Variants in PCNX2 observed in about 807,000 individuals in gnomAD.
PCNX2 encodes the protein pecanex-like protein 2.
PCNX2 carries 168 observed loss-of-function variants against 223.8 expected under a neutral mutation model. That is an observed-to-expected ratio of 0.75 (90% CI 0.66 to 0.85). The LOEUF is 0.85. PCNX2 is among the 40% of genes least tolerant of loss of function. The probability of loss-of-function intolerance (pLI) is 0.00; values close to 1 mark genes in which losing one functional copy is unlikely to be tolerated. For synonymous variants in PCNX2, 1,006 were observed against 1,052.6 expected, an observed-to-expected ratio of 0.96 and a Z score of 0.86; for missense variants, 2,507 against 2,675.5, an observed-to-expected ratio of 0.94 and a Z score of 1.39.
At chr1:233,217,864 C>G in intron 12 of PCNX2, 35 bp downstream of exon 12, 2 of 1,613,202 alleles carry the variant, frequency 1.2e-6, no homozygotes, top group Admixed American at 3.3e-5. Context: ...CACAGACAGA[C>G]AAGAAAAGCT....
At chr1:233,091,987 A>G (rs957598807) in intron 22 of PCNX2, among the ~76,000 whole-genome samples, 13 of 152,198 alleles carry the variant, frequency 8.5e-5, no homozygotes, top group African/African-American at 3.1e-4. Flanking sequence ...ATTATCACCC[A>G]TCAGTTTCCT....
rs1414579988 is a variant in PCNX2 at position 233,253,940 on chromosome 1, T to TA, written c.1835-1153dup. Among the ~76,000 whole-genome samples the TA allele has an allele frequency of 6.6e-6, 1 of 152,164 alleles. No individual in the cohort carries two copies. The highest frequency in any genetic ancestry group is 2.4e-5 in the African/African-American group (1 of 41,436). On this transcript the variant is annotated intron_variant, in intron 5 of 33. Transcript: ENST00000258229. The surrounding 1 kb of genome is among the most constrained non-coding windows in gnomAD (Gnocchi z 4.2). ...AAAGGACCATTGTACTCCCATGACT[T>TA]ACTCTGAGTAAATGATTGGCTCTTA... is the stretch of plus-strand genomic sequence containing the variant.
At chr1:233,263,819 A>G (rs776436003) in intron 1 of PCNX2, among the ~76,000 whole-genome samples, 4 of 152,154 alleles carry the variant, frequency 2.6e-5, no homozygotes, top group Admixed American at 6.5e-5. Flanking sequence ...AGCTCATCTT[A>G]AAGGCCAGAG....
the PCNX2 span, among the ~76,000 whole-genome samples, chr1:233,306,198 A>T: frequency 6.6e-6 from 1 of 152,244 alleles, no homozygotes; most frequent in Non-Finnish European, 1.5e-5. Context: ...GGGTCAGTTC[A>T]TTAAGAAGAT....
In PCNX2 at chr1:233,258,226, C is replaced by T; in HGVS notation, c.1636G>A (p.Ala546Thr). ...TTCTCTGTATCGTTAACAATTTCTG[C>T]AGAACTTTTACTCAAGAAGACATCT... ...GTDVFLSKSS[A>T]EIVNDTEKTM... Residue 546 changes from alanine (A) to threonine (T), a missense_variant, in exon 5 of 34, where the codon GCA becomes ACA. Around this residue, in one of 3 missense-constraint regions of PCNX2, gnomAD observed 1,031 missense variants for 1,021.7 expected, o/e 1.01. Coordinates refer to ENST00000258229, the MANE Select transcript of PCNX2 (RefSeq NM_014801.4). 1 of 1,614,002 alleles carries T rather than the reference C, an allele frequency of 6.2e-7. No homozygotes were observed. Among genetic ancestry groups the T allele is most frequent in the Non-Finnish European group, 8.5e-7 (1 of 1,179,892 alleles).
At chr1:233,233,423 C>CCT (rs1349266979) in intron 9 of PCNX2, among the ~76,000 whole-genome samples, 1 of 115,584 alleles carries the variant, frequency 8.7e-6, no homozygotes, top group South Asian at 3.1e-4. Flanking sequence ...CTCCTCTTCT[C>CCT]CTGTGTGTGT....
At position 233,066,563 on chromosome 1, in the gene PCNX2, C is replaced by T. The variant is rs757208633; in HGVS notation, c.4077-9273G>A. ...TGGCATCTGGAGCTGCCTGCCCAGC[C>T]CCACTGCAGCAGCCTGTGTGCCTGG... On this transcript the variant is annotated intron_variant, in intron 23 of 33. Coordinates refer to ENST00000258229, the MANE Select transcript of PCNX2 (RefSeq NM_014801.4). 2.6e-5 allele frequency among the ~76,000 whole-genome samples: 4 copies of T among 152,210 alleles called. No homozygotes were observed. In the South Asian group the frequency reaches 8.3e-4, roughly 32 times the overall value.
chr1:233,108,522 T>C (rs1674934341), intron 21 of PCNX2, among the ~76,000 whole-genome samples: 1 of 152,150 alleles, frequency 6.6e-6, no homozygotes, highest in African/African-American at 2.4e-5. Flanking sequence ...CTACAGGGTG[T>C]TCACAGAAAA....
At chr1:233,319,878 T>A in the PCNX2 span, among the ~76,000 whole-genome samples, 1 of 152,246 alleles carries the variant, frequency 6.6e-6, no homozygotes, top group Non-Finnish European at 1.5e-5. Flanking sequence ...AATAATTCCA[T>A]TACATGGTAA....
intron 9 of PCNX2, among the ~76,000 whole-genome samples, chr1:233,234,938 G>C (rs1005088104): frequency 1.3e-5 from 2 of 152,040 alleles, no homozygotes; most frequent in African/African-American, 4.8e-5. Flanking sequence ...TGTACGGGCT[G>C]ACAGTGTGTG....
chr1:233,208,452 A>G, intron 13 of PCNX2, 66 bp downstream of exon 13: 1 of 1,467,800 alleles, frequency 6.8e-7, no homozygotes, highest in Non-Finnish European at 9.3e-7. Context: ...TTAGAAATTC[A>G]GAAGACAAAG....
chr1:233,053,757 T>C (rs2102875130), intron 25 of PCNX2, among the ~76,000 whole-genome samples: 1 of 152,304 alleles, frequency 6.6e-6, no homozygotes, highest in Middle Eastern at 3.4e-3. Flanking sequence ...TCAATAACCA[T>C]AAAGCAATGA....
intron 12 of PCNX2, chr1:233,211,711 G>A: frequency 1.1e-6 from 1 of 924,742 alleles, no homozygotes; most frequent in Non-Finnish European, 1.3e-6. Context: ...ACCATGGGGA[G>A]GCATGCATGT....
chr1:233,061,355 C>A (rs546373025), intron 23 of PCNX2, among the ~76,000 whole-genome samples: 1 of 152,308 alleles, frequency 6.6e-6, no homozygotes, highest in South Asian at 2.1e-4. Context: ...TACTAACAAT[C>A]GTATTAGCTC....
At chr1:233,284,213 T>A (rs1661333225) in intron 1 of PCNX2, among the ~76,000 whole-genome samples, 1 of 152,210 alleles carries the variant, frequency 6.6e-6, no homozygotes, top group African/African-American at 2.4e-5. Context: ...AATACCATCA[T>A]ATGAATAACT....
rs527958568 is a variant in PCNX2, at chr1:233,272,995, G to A, written c.154-9832C>T. Among the ~76,000 whole-genome samples the A allele has an allele frequency of 2.0e-5, 3 of 152,058 alleles. No homozygotes were observed. In the South Asian group the frequency reaches 6.2e-4, roughly 32 times the overall value. On this transcript the variant is annotated intron_variant, in intron 1 of 33. Coordinates refer to ENST00000258229, the MANE Select transcript of PCNX2 (RefSeq NM_014801.4). ...TACAATAGACTCTGGGGACTTGGGGGAAAGAGTGGGAGGAGGGTGAGGGAT... is the reference window on the plus strand; with the variant it reads ...TACAATAGACTCTGGGGACTTGGGGAAAAGAGTGGGAGGAGGGTGAGGGAT...
intron 21 of PCNX2, among the ~76,000 whole-genome samples, chr1:233,103,017 G>A (rs1264953231): frequency 3.3e-5 from 5 of 151,954 alleles, no homozygotes; most frequent in African/African-American, 4.8e-5. Flanking sequence ...TATTATTTAA[G>A]TCTTTAATCT....
At chr1:233,239,048 G>C (rs1344427956) in intron 8 of PCNX2, among the ~76,000 whole-genome samples, 1 of 152,110 alleles carries the variant, frequency 6.6e-6, no homozygotes, top group African/African-American at 2.4e-5. Context: ...ATTTCACATC[G>C]AAATACAACA....
intron 19 of PCNX2, among the ~76,000 whole-genome samples, chr1:233,145,594 G>C (rs561289010): frequency 1.3e-5 from 2 of 151,944 alleles, no homozygotes; most frequent in Non-Finnish European, 2.9e-5. Context: ...CTGGCATCTC[G>C]CCTTCTGGAG....
Sources: allele counts gnomAD v4.1 joint callset (sites outside exome capture counted in the v4.1 genomes callset), GRCh38; gene constraint gnomAD v4.1.1; regional missense constraint gnomAD v4.1.1; non-coding constraint Gnocchi (gnomAD v3.1); transcripts MANE v1.5; gene names NCBI Gene and HGNC (gene_info 2026-07-23, HGNC 2026-07-21).